The following FHIT variants were observed in gnomAD, a reference collection of about 807,000 sequenced individuals.
The protein encoded by FHIT is bis(5'-adenosyl)-triphosphatase.
In FHIT, 19 loss-of-function variants were observed where a neutral mutation model predicts 17.9. The observed-to-expected ratio is 1.06, with a 90% CI of 0.74 to 1.56. The LOEUF (loss-of-function observed/expected upper bound fraction) is 1.56, where lower values mean the gene tolerates loss of function less well. Ranked by LOEUF, FHIT falls within the 40% of genes most tolerant of loss-of-function variation. FHIT has a pLI of 0.00. For missense variants in FHIT, 248 were observed against 189.2 expected (o/e 1.31, Z -1.82); for synonymous variants, 81 against 69.7 (o/e 1.16, Z -0.81).
intron 2 of FHIT, among the ~76,000 whole-genome samples, chr3:61,082,319 G>C (rs2035165282): frequency 6.6e-6 from 1 of 152,182 alleles, no homozygotes; most frequent in Non-Finnish European, 1.5e-5. Context: ...ACATGGTTTG[G>C]GATTTTATAT....
intron 5 of FHIT, among the ~76,000 whole-genome samples, chr3:60,492,743 G>A (rs1232480050): frequency 6.6e-6 from 1 of 151,820 alleles, no homozygotes; most frequent in Non-Finnish European, 1.5e-5. Context: ...CTGACCTCAG[G>A]TGATCCACCC....
At chr3:60,627,306 G>A (rs1553681229) in intron 4 of FHIT, among the ~76,000 whole-genome samples, 2 of 152,014 alleles carry the variant, frequency 1.3e-5, no homozygotes, top group Non-Finnish European at 2.9e-5. Context: ...TTATTTGTGG[G>A]TAGTTTTTTA....
At chr3:60,861,829 A>C (rs782147219) in intron 3 of FHIT, among the ~76,000 whole-genome samples, 6 of 151,924 alleles carry the variant, frequency 3.9e-5, no homozygotes, top group Admixed American at 2.6e-4. Flanking sequence ...TAGTTTGTGT[A>C]GTCCCAGCTA....
chr3:60,556,935 G>A (rs1319531644), intron 4 of FHIT, among the ~76,000 whole-genome samples: 2 of 152,174 alleles, frequency 1.3e-5, no homozygotes, highest in Non-Finnish European at 2.9e-5. Flanking sequence ...GGACTTGGAG[G>A]TCAACGTTTA....
intron 5 of FHIT, among the ~76,000 whole-genome samples, chr3:60,480,779 T>C (rs893925496): frequency 3.9e-5 from 6 of 152,190 alleles, no homozygotes; most frequent in African/African-American, 1.4e-4. Context: ...CTCTGCAGGG[T>C]ACACCCCTCT....
chr3:60,411,885 C>G (rs1262191576), intron 5 of FHIT, among the ~76,000 whole-genome samples: 1 of 152,014 alleles, frequency 6.6e-6, no homozygotes, highest in Non-Finnish European at 1.5e-5. Context: ...ACTTTTCTCT[C>G]TAGAAAAACT....
At chr3:60,432,935 G>A (rs1469110499) in intron 5 of FHIT, among the ~76,000 whole-genome samples, 1 of 146,048 alleles carries the variant, frequency 6.8e-6, no homozygotes, top group East Asian at 2.0e-4. Flanking sequence ...TTTTTACTGT[G>A]ATAACACTTA....
intron 8 of FHIT, among the ~76,000 whole-genome samples, chr3:59,855,730 C>CA: frequency 6.7e-6 from 1 of 149,194 alleles, no homozygotes; most frequent in Non-Finnish European, 1.5e-5. Context: ...TAGAAAAGAT[C>CA]AAAAAAGTCA....
intron 5 of FHIT, among the ~76,000 whole-genome samples, chr3:60,213,693 G>A (rs1050273771): frequency 6.6e-6 from 1 of 152,124 alleles, no homozygotes; most frequent in East Asian, 1.9e-4. Flanking sequence ...TAATTAAACA[G>A]ATGGAAACCA....
At chr3:59,984,401 G>T (rs544575822) in intron 7 of FHIT, among the ~76,000 whole-genome samples, 1 of 151,746 alleles carries the variant, frequency 6.6e-6, no homozygotes, top group Admixed American at 6.6e-5. Context: ...CACTGGGGGG[G>T]GCTCTGGAAG....
intron 4 of FHIT, among the ~76,000 whole-genome samples, chr3:60,686,201 G>C (rs2040858845): frequency 6.6e-6 from 1 of 152,138 alleles, no homozygotes; most frequent in Non-Finnish European, 1.5e-5. Flanking sequence ...TAGCAGTGCA[G>C]TTTCATGTAT....
chr3:60,290,561 G>A (rs975969442), intron 5 of FHIT, among the ~76,000 whole-genome samples: 5 of 151,980 alleles, frequency 3.3e-5, no homozygotes, highest in African/African-American at 1.2e-4. Context: ...CTCTAATCCT[G>A]ACAATAAGAT....
chr3:60,839,578 G>T (rs969869005), intron 3 of FHIT, among the ~76,000 whole-genome samples: 11 of 152,064 alleles, frequency 7.2e-5, no homozygotes, highest in African/African-American at 2.7e-4. Flanking sequence ...ATTTTCCAAT[G>T]ACAGTGGCTG....
intron 3 of FHIT, among the ~76,000 whole-genome samples, chr3:61,028,388 C>T (rs143725926): frequency 9.2e-5 from 14 of 152,256 alleles, no homozygotes; most frequent in African/African-American, 1.4e-4. Flanking sequence ...ATAGATACAA[C>T]GTGCTATGGG....
intron 8 of FHIT, among the ~76,000 whole-genome samples, chr3:59,795,384 G>GA (rs11315084): frequency 1.9e-3 from 269 of 145,152 alleles, no homozygotes; most frequent in Middle Eastern, 7.0e-3. Flanking sequence ...ACCCTGTCTC[G>GA]AAAAAAAAAA....
chr3:60,780,202 C>A (rs1417691649), intron 4 of FHIT, among the ~76,000 whole-genome samples: 4 of 152,184 alleles, frequency 2.6e-5, no homozygotes, highest in Non-Finnish European at 5.9e-5. Context: ...TCCTGAACCT[C>A]TGGGACTCCT....
intron 8 of FHIT, among the ~76,000 whole-genome samples, chr3:59,847,852 C>T (rs1023971402): frequency 1.3e-5 from 2 of 152,228 alleles, no homozygotes; most frequent in African/African-American, 4.8e-5. Context: ...GGAACATGCA[C>T]AGTAGCTATC....
Position 60,416,114 on chromosome 3 carries a change from A to G in FHIT, c.103+120746T>C, listed in dbSNP as rs1029761059. On this transcript the variant is annotated intron_variant, in intron 5 of 9. Coordinates refer to ENST00000492590, the MANE Select transcript of FHIT (RefSeq NM_002012.4). ...GAAAAAACATAAAGGCCCAATAAAC[A>G]TAACAAGATGGCCAATCTAATCAGA... is the stretch of plus-strand genomic sequence containing the variant. Among the ~76,000 whole-genome samples the G allele has an allele frequency of 4.6e-5, 7 of 151,950 alleles. No homozygotes were observed. In the South Asian group the frequency reaches 8.3e-4, roughly 18 times the overall value.
At chr3:60,629,100 G>A (rs756259110) in intron 4 of FHIT, among the ~76,000 whole-genome samples, 9 of 152,046 alleles carry the variant, frequency 5.9e-5, no homozygotes, top group African/African-American at 1.7e-4. Context: ...TAAACTTTCC[G>A]CCACTCTCAC....
Sources: gnomAD v4.1 joint callset for allele counts (sites outside exome capture counted in the v4.1 genomes callset) on GRCh38, gnomAD v4.1.1 for gene constraint, MANE v1.5 for transcripts, NCBI Gene and HGNC (gene_info 2026-07-23, HGNC 2026-07-21) for gene names.